Variants in PCDHA3 observed in about 807,000 individuals in gnomAD.
The protein encoded by PCDHA3 is protocadherin alpha-3.
In PCDHA3, 41 loss-of-function variants were observed where a neutral mutation model predicts 62.2. The observed-to-expected ratio is 0.66, with a 90% CI of 0.51 to 0.86. The LOEUF (loss-of-function observed/expected upper bound fraction) is 0.86. Ranked by LOEUF, PCDHA3 falls within the 40% of genes least tolerant of loss-of-function variation. The probability of loss-of-function intolerance (pLI) is 0.00; values close to 1 mark genes in which losing one functional copy is unlikely to be tolerated. For missense variants in PCDHA3, 1,304 were observed against 1,241.2 expected (o/e 1.05, Z -0.76); for synonymous variants, 640 against 555.4 (o/e 1.15, Z -2.14).
chr5:140,817,295 A>AG (rs1269324831), intron 1 of PCDHA3: 16 of 152,208 alleles, frequency 1.1e-4, no homozygotes, highest in Non-Finnish European at 2.1e-4. Flanking sequence ...ATGGGACTAT[A>AG]GGGAAAGTGC....
chr5:140,842,014 A>G (rs2150327358), intron 1 of PCDHA3: 1 of 1,613,836 alleles, frequency 6.2e-7, no homozygotes. Context: ...TGCTGGTCAC[A>G]GTGCTGGATG....
chr5:140,859,050 C>T lies in PCDHA3; in HGVS notation c.2394+55459C>T, dbSNP rs1375477710. ...TGCTTTGAACTTTAAAAACGTTTTC[C>T]ATTTTTATTTTAGTTGTAGTGGTAC... On this transcript the variant is annotated intron_variant, in intron 1 of 3. Transcript: ENST00000522353. 1.3e-5 allele frequency: 2 copies of T among 150,490 alleles called. 1 individual carries two copies. The highest frequency in any genetic ancestry group is 3.0e-5 in the Non-Finnish European group (2 of 67,566). The allele number at this position is 150,490 out of a possible 1,614,324, so 9.3% of individuals were successfully genotyped here.
At chr5:141,007,970 T>C (rs986378123) in intron 3 of PCDHA3, among the ~76,000 whole-genome samples, 3 of 152,248 alleles carry the variant, frequency 2.0e-5, no homozygotes, top group Admixed American at 6.5e-5. Flanking sequence ...TCTGGGTGTC[T>C]GTCATGTATA....
chr5:140,908,626 T>A (rs1162805222), intron 1 of PCDHA3, among the ~76,000 whole-genome samples: 3 of 152,020 alleles, frequency 2.0e-5, no homozygotes, highest in African/African-American at 4.8e-5. Context: ...ATCCTTGAGG[T>A]CTCCACTGTG....
chr5:140,941,256 T>TTTC (rs2092982969), intron 1 of PCDHA3, among the ~76,000 whole-genome samples: 1 of 45,974 alleles, frequency 2.2e-5, no homozygotes, highest in African/African-American at 7.5e-5. Flanking sequence ...TCTTTCTTTC[T>TTTC]CTTTCTTTCT....
At chr5:140,969,244 G>A (rs1345944804) in intron 1 of PCDHA3, 2 of 1,614,088 alleles carry the variant, frequency 1.2e-6, no homozygotes, top group Non-Finnish European at 1.7e-6. Flanking sequence ...AAGCAGCAGT[G>A]ACTGACAGCA....
intron 1 of PCDHA3, chr5:140,808,329 T>C: frequency 6.2e-7 from 1 of 1,614,258 alleles, no homozygotes; most frequent in Non-Finnish European, 8.5e-7. Flanking sequence ...GACATGGGTG[T>C]CAATGGGCTG....
intron 1 of PCDHA3, among the ~76,000 whole-genome samples, chr5:140,942,619 T>TA (rs35075175): frequency 5.6e-4 from 83 of 148,996 alleles, no homozygotes; most frequent in Non-Finnish European, 6.7e-4. Flanking sequence ...TTGCCAATTG[T>TA]AAAAAAAAAA....
At chr5:140,876,581 C>A in intron 1 of PCDHA3, 2 of 1,614,200 alleles carry the variant, frequency 1.2e-6, no homozygotes, top group Non-Finnish European at 1.7e-6. Flanking sequence ...ACCGTCATTG[C>A]CCTGATTAGC....
At chr5:140,945,424 A>T (rs1227744054) in intron 1 of PCDHA3, among the ~76,000 whole-genome samples, 1 of 152,116 alleles carries the variant, frequency 6.6e-6, no homozygotes, top group Non-Finnish European at 1.5e-5. Context: ...ATTTCAATGA[A>T]GTTTTTACAG....
intron 1 of PCDHA3, among the ~76,000 whole-genome samples, chr5:140,941,304 C>T (rs1477431460): frequency 4.7e-5 from 4 of 84,830 alleles, no homozygotes; most frequent in African/African-American, 8.5e-5. Flanking sequence ...TTCTTTCTTT[C>T]TTTTTCTTCT....
At chr5:140,927,092 G>T in intron 1 of PCDHA3, 1 of 1,612,746 alleles carries the variant, frequency 6.2e-7, no homozygotes, top group Non-Finnish European at 8.5e-7. Flanking sequence ...CTCTACTTCG[G>T]GGTGGATCTA....
intron 3 of PCDHA3, among the ~76,000 whole-genome samples, chr5:140,992,128 G>GACTGATGAT (rs2097493639): frequency 6.6e-6 from 1 of 151,816 alleles, no homozygotes; most frequent in Non-Finnish European, 1.5e-5. Context: ...GAAGAACAGT[G>GACTGATGAT]ACTGATGATG....
chr5:140,879,687 CA>C (rs1343612878), intron 1 of PCDHA3, among the ~76,000 whole-genome samples: 1 of 152,156 alleles, frequency 6.6e-6, no homozygotes, highest in Non-Finnish European at 1.5e-5. Context: ...TGTAAAACAG[CA>C]AAAGTTTATT....
At position 140,843,439 on chromosome 5, in the gene PCDHA3, G is replaced by T. The variant is rs2150360020; in HGVS notation, c.2394+39848G>T. The T allele has an allele frequency of 1.9e-6, 3 of 1,596,092 alleles. No homozygotes were observed. In the South Asian group the frequency reaches 3.3e-5, roughly 18 times the overall value. On this transcript the variant is annotated intron_variant, in intron 1 of 3. Transcript: ENST00000522353. ...TGTACCTGATCATCGCCATCTGCGC[G>T]GTATCCAGCCTGCTGGTGCTCACGC...
intron 1 of PCDHA3, chr5:140,813,080 G>A (rs1765223066): frequency 6.6e-6 from 1 of 152,134 alleles, no homozygotes; most frequent in African/African-American, 2.4e-5. Context: ...CCTGGAAAAT[G>A]CTCTGAGTGT....
At position 140,801,304 on chromosome 5, in the gene PCDHA3, C is replaced by T; in HGVS notation, c.107C>T (p.Ser36Phe). Reference protein sequence around the residue: ...VGSGQLHYSVSEEAKHGTFVG... With the variant: ...VGSGQLHYSVFEEAKHGTFVG... ...AGCGGCCAGCTCCACTACTCCGTCT[C>T]TGAGGAGGCCAAGCATGGCACCTTC... Residue 36 changes from serine to phenylalanine, a missense_variant, in exon 1 of 4, where the codon TCT becomes TTT. Transcript: ENST00000522353. 1.9e-6 allele frequency: 3 copies of T among 1,613,470 alleles called. No individual in the cohort carries two copies. Among genetic ancestry groups the T allele is most frequent in the Non-Finnish European group, 2.5e-6 (3 of 1,179,934 alleles).
intron 1 of PCDHA3, among the ~76,000 whole-genome samples, chr5:140,973,765 G>A (rs1326498499): frequency 6.6e-6 from 1 of 152,230 alleles, no homozygotes; most frequent in African/African-American, 2.4e-5. Context: ...GACACAGCCT[G>A]GCATATTATA....
intron 1 of PCDHA3, chr5:140,829,550 A>G: frequency 1.2e-6 from 2 of 1,612,876 alleles, no homozygotes; most frequent in African/African-American, 1.3e-5. Flanking sequence ...CGCGCAGGAG[A>G]ACGCGCTGGT....
Sources: allele counts gnomAD v4.1 joint callset (sites outside exome capture counted in the v4.1 genomes callset), GRCh38; gene constraint gnomAD v4.1.1; transcripts MANE v1.5; gene names NCBI Gene and HGNC (gene_info 2026-07-23, HGNC 2026-07-21).